LOC128462377: variants seen among roughly 807,000 people sequenced by gnomAD.
chr16:89,375,629 T>C, the LOC128462377 span, among the ~76,000 whole-genome samples: 2 of 152,026 alleles, frequency 1.3e-5, no homozygotes, highest in Admixed American at 1.3e-4. Flanking sequence ...AATTTTTAAA[T>C]TTTTAGTAGA....
the LOC128462377 span, among the ~76,000 whole-genome samples, chr16:89,405,704 G>C: frequency 6.6e-6 from 1 of 151,994 alleles, no homozygotes; most frequent in Non-Finnish European, 1.5e-5. Flanking sequence ...GACAATTCAG[G>C]AAATGCACCA....
At chr16:89,352,178 T>C in the LOC128462377 span, among the ~76,000 whole-genome samples, 120 of 152,146 alleles carry the variant, frequency 7.9e-4, no homozygotes, top group East Asian at 9.3e-3. Context: ...GCGTGAGCCA[T>C]TGCACCTGGC....
the LOC128462377 span, among the ~76,000 whole-genome samples, chr16:89,359,146 T>C: frequency 6.6e-6 from 1 of 152,008 alleles, no homozygotes; most frequent in Non-Finnish European, 1.5e-5. Context: ...TCTAAAAGAC[T>C]GATTCTGGAA....
the LOC128462377 span, among the ~76,000 whole-genome samples, chr16:89,329,148 G>T: frequency 1.3e-5 from 2 of 152,224 alleles, no homozygotes; most frequent in Non-Finnish European, 2.9e-5. Context: ...CTTCCTCCAG[G>T]ACAAAACCAC....
At chr16:89,354,240 A>G in the LOC128462377 span, among the ~76,000 whole-genome samples, 3 of 117,352 alleles carry the variant, frequency 2.6e-5, no homozygotes, top group African/African-American at 1.0e-4. Context: ...TTTTGCATTC[A>G]GCCAAAAAAA....
At chr16:89,359,502 A>C in the LOC128462377 span, among the ~76,000 whole-genome samples, 1 of 152,210 alleles carries the variant, frequency 6.6e-6, no homozygotes, top group Non-Finnish European at 1.5e-5. Flanking sequence ...AGATGGCAGC[A>C]CTGTGACCTC....
chr16:89,414,821 C>G, the LOC128462377 span, among the ~76,000 whole-genome samples: 85,125 of 152,166 alleles, frequency 0.56, 23,979 homozygotes, highest in Middle Eastern at 0.72. Context: ...GAGCACAGCA[C>G]CGTGTACTGA....
chr16:89,332,071 C>T, the LOC128462377 span, among the ~76,000 whole-genome samples: 3 of 151,986 alleles, frequency 2.0e-5, no homozygotes, highest in Admixed American at 6.6e-5. Flanking sequence ...AGGGATCATT[C>T]GATCCCAGGA....
At chr16:89,351,824 T>G in the LOC128462377 span, among the ~76,000 whole-genome samples, 1 of 152,172 alleles carries the variant, frequency 6.6e-6, no homozygotes, top group Non-Finnish European at 1.5e-5. Context: ...GTCCTGGTGG[T>G]TGAACAGACC....
chr16:89,416,895 C>T, the LOC128462377 span, among the ~76,000 whole-genome samples: 1 of 152,116 alleles, frequency 6.6e-6, no homozygotes, highest in African/African-American at 2.4e-5. Context: ...GCTCCCTCAT[C>T]GCTGCCCCCC....
At chr16:89,368,535 G>A in the LOC128462377 span, among the ~76,000 whole-genome samples, 1 of 150,526 alleles carries the variant, frequency 6.6e-6, no homozygotes, top group Non-Finnish European at 1.5e-5. Flanking sequence ...CTTCTTTTGT[G>A]CAGCATTTTC....
the LOC128462377 span, among the ~76,000 whole-genome samples, chr16:89,390,532 C>T: frequency 6.6e-6 from 1 of 152,152 alleles, no homozygotes; most frequent in Non-Finnish European, 1.5e-5. Context: ...AAACTGTAAA[C>T]TCTAGTGATC....
chr16:89,384,466 CAGGACAAGATGGGAAT>C, the LOC128462377 span, among the ~76,000 whole-genome samples: 1 of 150,412 alleles, frequency 6.6e-6, no homozygotes, highest in South Asian at 2.1e-4. Flanking sequence ...TGAAATGGGA[CAGGACAAGATGGGAAT>C]GGGACGAGAT....
At chr16:89,367,789 G>A in the LOC128462377 span, among the ~76,000 whole-genome samples, 3 of 152,120 alleles carry the variant, frequency 2.0e-5, no homozygotes, top group Non-Finnish European at 2.9e-5. Flanking sequence ...TGCAAACTAT[G>A]ACTTGTTCAA....
At chr16:89,320,735 A>G in the LOC128462377 span, among the ~76,000 whole-genome samples, 5 of 152,238 alleles carry the variant, frequency 3.3e-5, no homozygotes, top group African/African-American at 4.8e-5. Flanking sequence ...CTGTGCCAAA[A>G]TAAGACACAA....
the LOC128462377 span, among the ~76,000 whole-genome samples, chr16:89,365,260 A>G: frequency 6.6e-6 from 1 of 152,204 alleles, no homozygotes; most frequent in Non-Finnish European, 1.5e-5. Flanking sequence ...GATTCTTTCA[A>G]TCCCAGGCCA....
At chr16:89,397,764 T>C in the LOC128462377 span, among the ~76,000 whole-genome samples, 15 of 152,356 alleles carry the variant, frequency 9.8e-5, no homozygotes, top group African/African-American at 2.2e-4. Flanking sequence ...CATCTTCTGA[T>C]TGACAGGCAA....
At chr16:89,390,888 G>A in the LOC128462377 span, among the ~76,000 whole-genome samples, 22 of 152,134 alleles carry the variant, frequency 1.4e-4, 1 homozygote, top group Non-Finnish European at 2.9e-5. Flanking sequence ...CACGACACTG[G>A]TGAACATGTA....
chr16:89,378,398 T>C, the LOC128462377 span, among the ~76,000 whole-genome samples: 1 of 152,228 alleles, frequency 6.6e-6, no homozygotes, highest in African/African-American at 2.4e-5. Context: ...TCAACGTGTA[T>C]GTCAACCATA....
Sources: gnomAD v4.1 joint callset for allele counts (sites outside exome capture counted in the v4.1 genomes callset) on GRCh38, gnomAD v4.1.1 for gene constraint, MANE v1.5 for transcripts.